The following TIA1 variants were observed in gnomAD, a reference collection of about 807,000 sequenced individuals.
The protein encoded by TIA1 is cytotoxic granule associated RNA binding protein TIA1.
Under a neutral mutation model 65.9 loss-of-function variants are expected in TIA1, and 23 were observed. The observed-to-expected ratio is 0.35, with a 90% CI of 0.25 to 0.49. The LOEUF (loss-of-function observed/expected upper bound fraction) is 0.49, where lower values mean the gene tolerates loss of function less well. Among genes scored for constraint, TIA1 ranks in the 20% least tolerant of loss-of-function variants. TIA1 has a pLI of 0.98. For synonymous variants in TIA1, 147 were observed against 149.4 expected (o/e 0.98, Z 0.12); for missense variants, 371 against 477.9 (o/e 0.78, Z 2.09).
In TIA1 at chr2:70,223,408, T is replaced by C. The variant is rs182019210; in HGVS notation, c.474+1146A>G. On this transcript the variant is annotated intron_variant, in intron 7 of 12. Transcript: ENST00000433529. Reference sequence around the variant, plus strand: ...AGCTTGTATTGTTTTCACCTCTCAATGTACTTTACAATTTTCAACTTTTTT... The same window carrying C: ...AGCTTGTATTGTTTTCACCTCTCAACGTACTTTACAATTTTCAACTTTTTT... Among the ~76,000 whole-genome samples, 284 of 152,294 alleles carry C rather than the reference T, an allele frequency of 1.9e-3. 1 individual carries two copies. The highest frequency in any genetic ancestry group is 3.5e-3 in the Non-Finnish European group (238 of 68,024).
intron 7 of TIA1, among the ~76,000 whole-genome samples, chr2:70,217,338 A>C (rs1400324752): frequency 6.6e-6 from 1 of 151,036 alleles, no homozygotes; most frequent in African/African-American, 2.4e-5. Flanking sequence ...TGCCTGGCTA[A>C]TTTTTGTATT....
rs575764208 is a variant in TIA1 at position 70,235,941 on chromosome 2, G to C, written c.123+138C>G. ...ATTAACTTAGAATATGGTAAACTAA[G>C]ACTATATTTAGACTACAGTAAACTA... On this transcript the variant is annotated intron_variant, in intron 2 of 12. Coordinates refer to ENST00000433529, the MANE Select transcript of TIA1 (RefSeq NM_022173.4). The C allele has an allele frequency of 2.7e-5, 13 of 479,166 alleles. No homozygotes were observed. In the East Asian group the frequency reaches 4.5e-4, roughly 17 times the overall value. 29.7% of individuals were successfully genotyped at this position (479,166 alleles called of 1,614,324 possible).
chr2:70,244,240 C>T (rs927586278), intron 1 of TIA1, among the ~76,000 whole-genome samples: 2 of 152,182 alleles, frequency 1.3e-5, no homozygotes, highest in African/African-American at 4.8e-5. Context: ...TGTCACTTAT[C>T]AAAGGATGAC....
chr2:70,215,311 T>A (rs1305143664), intron 11 of TIA1, 60 bp downstream of exon 11: 11 of 1,600,760 alleles, frequency 6.9e-6, no homozygotes. Flanking sequence ...TCAACAATCT[T>A]CACCTTAAAA....
chr2:70,222,161 A>G (rs907327355), intron 7 of TIA1, among the ~76,000 whole-genome samples: 4 of 152,194 alleles, frequency 2.6e-5, no homozygotes, highest in East Asian at 1.9e-4. Context: ...AAAAAAAACA[A>G]TGAAGCAGTG....
At chr2:70,224,667 C>A (rs778730710) in intron 6 of TIA1, 38 bp from the exon 7 acceptor site, 1 of 1,610,162 alleles carries the variant, frequency 6.2e-7, no homozygotes, top group Non-Finnish European at 8.5e-7. Flanking sequence ...GGTTTGCAAA[C>A]TATCCTCTGG....
At chr2:70,240,565 T>C (rs1235073956) in intron 1 of TIA1, among the ~76,000 whole-genome samples, 3 of 151,956 alleles carry the variant, frequency 2.0e-5, no homozygotes, top group African/African-American at 4.8e-5. Context: ...TTCTAAGATA[T>C]AAATAAATAA....
chr2:70,246,300 G>T (rs1224866514), intron 1 of TIA1, among the ~76,000 whole-genome samples: 1 of 152,198 alleles, frequency 6.6e-6, no homozygotes, highest in East Asian at 1.9e-4. Context: ...GAGAGGCTGT[G>T]TTTTTAATGT....
At chr2:70,244,338 T>A (rs889182899) in intron 1 of TIA1, among the ~76,000 whole-genome samples, 4 of 152,174 alleles carry the variant, frequency 2.6e-5, no homozygotes, top group African/African-American at 9.7e-5. Context: ...CTTATTACCA[T>A]CTAACATAAT....
At chr2:70,245,860 A>G (rs144378681) in intron 1 of TIA1, among the ~76,000 whole-genome samples, 36 of 150,016 alleles carry the variant, frequency 2.4e-4, no homozygotes, top group African/African-American at 8.3e-4. Context: ...TTCAGACTCT[A>G]TTTTATCCTC....
Position 70,242,494 on chromosome 2 carries a change from CA to C in TIA1, c.26+5910del, listed in dbSNP as rs11380260. ...AGCCTGAGTGACAGAGACTCAGTCT[CA>C]AAAAAAAAAAAAAAAAAAAAAAAAA... On this transcript the variant is annotated intron_variant, in intron 1 of 12. Coordinates refer to ENST00000433529, the MANE Select transcript of TIA1 (RefSeq NM_022173.4). 5.6e-3 allele frequency among the ~76,000 whole-genome samples: 188 copies of C among 33,450 alleles called. 1 individual carries two copies. Among genetic ancestry groups the C allele is most frequent in the African/African-American group, 0.023 (159 of 7,034 alleles). The allele number at this position is 33,450 out of a possible 152,430, so 21.9% of individuals were successfully genotyped here.
intron 6 of TIA1, among the ~76,000 whole-genome samples, chr2:70,225,898 T>A (rs1683574165): frequency 1.3e-5 from 2 of 152,158 alleles, no homozygotes; most frequent in Admixed American, 1.3e-4. Flanking sequence ...ACTACATGCT[T>A]TTACAGACCA....
intron 1 of TIA1, 85 bp downstream of exon 1, chr2:70,248,317 GAAC>G (rs1317653057): frequency 8.2e-6 from 12 of 1,458,986 alleles, no homozygotes; most frequent in Non-Finnish European, 9.2e-6. Flanking sequence ...TGTCCACGGA[GAAC>G]AATAGGCTGG....
intron 1 of TIA1, 27 bp from the exon 2 acceptor site, chr2:70,236,202 C>T: frequency 4.2e-6 from 5 of 1,179,490 alleles, no homozygotes; most frequent in African/African-American, 1.6e-5. Flanking sequence ...AACAATTTAC[C>T]TTTTTTTTTT....
intron 1 of TIA1, among the ~76,000 whole-genome samples, chr2:70,245,774 A>C (rs1558983750): frequency 6.6e-6 from 1 of 152,224 alleles, no homozygotes; most frequent in Non-Finnish European, 1.5e-5. Flanking sequence ...CTAACTTAAC[A>C]TGGAGATGCC....
chr2:70,221,365 G>A (rs1681253143), intron 7 of TIA1, among the ~76,000 whole-genome samples: 1 of 152,022 alleles, frequency 6.6e-6, no homozygotes, highest in African/African-American at 2.4e-5. Context: ...AGCTACTCTG[G>A]AGGCTGAGGC....
At chr2:70,216,359 C>A (rs747867296) in intron 9 of TIA1, 45 bp downstream of exon 9, 1 of 1,590,556 alleles carries the variant, frequency 6.3e-7, no homozygotes, top group South Asian at 1.2e-5. Context: ...AAATATTAAG[C>A]TTTGCACTTT....
intron 1 of TIA1, among the ~76,000 whole-genome samples, chr2:70,240,717 C>G (rs986661571): frequency 1.3e-5 from 2 of 152,030 alleles, no homozygotes; most frequent in African/African-American, 4.8e-5. Context: ...ACAATAAATA[C>G]AAAAATCAGC....
rs2592181 is a variant in TIA1 at position 70,227,662 on chromosome 2, G to C, written c.398+73C>G. Reference sequence around the variant, plus strand: ...AAATTAATGTACAAAATTCACAACAGAATTATTTTCAAGTTATGTCTACAT... The same window carrying C: ...AAATTAATGTACAAAATTCACAACACAATTATTTTCAAGTTATGTCTACAT... On this transcript the variant is annotated intron_variant, in intron 6 of 12. Coordinates refer to ENST00000433529, the MANE Select transcript of TIA1 (RefSeq NM_022173.4). 0.31 allele frequency: 305,116 copies of C among 977,946 alleles called. 49,516 individuals carry two copies. Among genetic ancestry groups the C allele is most frequent in the East Asian group, 0.36 (13,908 of 39,032 alleles). 60.6% of individuals were successfully genotyped at this position (977,946 alleles called of 1,614,324 possible).
Sources: allele counts gnomAD v4.1 joint callset (sites outside exome capture counted in the v4.1 genomes callset), GRCh38; gene constraint gnomAD v4.1.1; transcripts MANE v1.5; gene names NCBI Gene and HGNC (gene_info 2026-07-23, HGNC 2026-07-21).